PARD3: variants seen among roughly 807,000 people sequenced by gnomAD.
PARD3 encodes the protein par-3 family cell polarity regulator.
A neutral mutation model predicts 155.4 loss-of-function variants in PARD3; 75 were observed. The ratio of observed to expected loss-of-function variants is 0.48; its 90% CI spans 0.40 to 0.58. The LOEUF is 0.58. Ranked by LOEUF, PARD3 falls within the 20% of genes least tolerant of loss-of-function variation. PARD3 has a pLI of 0.00. For missense variants in PARD3, 1,642 were observed against 1,721.7 expected (o/e 0.95, Z 0.82); for synonymous variants, 576 against 610.5 (o/e 0.94, Z 0.83).
rs557093954 is a variant in PARD3, at chr10:34,366,102, C to CA, written c.1708-5844dup. On this transcript the variant is annotated intron_variant, in intron 12 of 24. Transcript: ENST00000374788. ...TACCACTTCTTTAATTCTGCTTCCT[C>CA]AAAAAAACACTGCATGGGGGAGGAG... Among the ~76,000 whole-genome samples the CA allele has an allele frequency of 4.6e-5, 7 of 151,940 alleles. No homozygotes were observed. The East Asian group carries it at 1.2e-3, about 25-fold the overall frequency.
chr10:34,279,150 T>TTTG (rs1299500377), intron 21 of PARD3, among the ~76,000 whole-genome samples: 1 of 145,238 alleles, frequency 6.9e-6, no homozygotes, highest in Non-Finnish European at 1.5e-5. Flanking sequence ...CCTTTTTTTT[T>TTTG]TTTTTTTTTT....
intron 2 of PARD3, among the ~76,000 whole-genome samples, chr10:34,648,084 G>A (rs961612199): frequency 3.9e-5 from 6 of 152,116 alleles, no homozygotes; most frequent in African/African-American, 9.7e-5. Context: ...ACTTCATCCC[G>A]GGATCGCCAT....
intron 22 of PARD3, among the ~76,000 whole-genome samples, chr10:34,205,423 A>G (rs1362895893): frequency 6.6e-6 from 1 of 152,176 alleles, no homozygotes; most frequent in Non-Finnish European, 1.5e-5. Context: ...CAAATTAATA[A>G]AGCATTCAAA....
intron 22 of PARD3, among the ~76,000 whole-genome samples, chr10:34,165,123 C>T (rs541915013): frequency 6.6e-6 from 1 of 152,020 alleles, no homozygotes; most frequent in East Asian, 1.9e-4. Context: ...CAACTAATTT[C>T]TCTTTATTTG....
intron 1 of PARD3, among the ~76,000 whole-genome samples, chr10:34,757,063 T>G (rs1836833703): frequency 1.3e-5 from 2 of 152,232 alleles, no homozygotes; most frequent in African/African-American, 4.8e-5. Context: ...CCTTGATTCC[T>G]CTGGTAGGTG....
chr10:34,594,237 C>T (rs913867225), intron 2 of PARD3, among the ~76,000 whole-genome samples: 1 of 152,076 alleles, frequency 6.6e-6, no homozygotes, highest in South Asian at 2.1e-4. Flanking sequence ...CTTGGAAGGA[C>T]CTAGTATGTG....
At chr10:34,343,189 T>A in intron 15 of PARD3, 1 of 337,630 alleles carries the variant, frequency 3.0e-6, no homozygotes, top group Non-Finnish European at 4.2e-6. Context: ...GTCACCCCAA[T>A]GGACAACTCA....
At chr10:34,725,229 T>C (rs1460698004) in intron 1 of PARD3, among the ~76,000 whole-genome samples, 7 of 150,394 alleles carry the variant, frequency 4.7e-5, no homozygotes, top group Non-Finnish European at 7.4e-5. Context: ...CTCAGCTCAC[T>C]GCATGCTCCA....
At chr10:34,685,821 T>A (rs1483965942) in intron 2 of PARD3, among the ~76,000 whole-genome samples, 1 of 152,196 alleles carries the variant, frequency 6.6e-6, no homozygotes, top group Non-Finnish European at 1.5e-5. Context: ...CTTGACCTCC[T>A]GACCTCAAAT....
At chr10:34,611,946 C>T (rs1309817594) in intron 2 of PARD3, among the ~76,000 whole-genome samples, 3 of 140,772 alleles carry the variant, frequency 2.1e-5, no homozygotes, top group South Asian at 2.5e-4. Flanking sequence ...CCTACCCCCC[C>T]GCCCCGAGTA....
chr10:34,257,004 G>C (rs191541006), intron 22 of PARD3, among the ~76,000 whole-genome samples: 4 of 152,080 alleles, frequency 2.6e-5, no homozygotes, highest in Non-Finnish European at 5.9e-5. Context: ...AAGAAAACAG[G>C]TATCTTTTAA....
chr10:34,324,031 A>G (rs2134179018), intron 19 of PARD3, among the ~76,000 whole-genome samples: 1 of 152,358 alleles, frequency 6.6e-6, no homozygotes, highest in South Asian at 2.1e-4. Context: ...TTTTATTTTA[A>G]TCAAGGAGTG....
At chr10:34,673,458 A>C (rs1782077947) in intron 2 of PARD3, among the ~76,000 whole-genome samples, 1 of 152,224 alleles carries the variant, frequency 6.6e-6, no homozygotes, top group South Asian at 2.1e-4. Flanking sequence ...ACCTCTCATT[A>C]CTTGTGGTTG....
chr10:34,264,084 T>C (rs1955169514), intron 22 of PARD3, among the ~76,000 whole-genome samples: 1 of 152,200 alleles, frequency 6.6e-6, no homozygotes, highest in South Asian at 2.1e-4. Context: ...TAACTTTAGA[T>C]AGTGCAAAGG....
chr10:34,153,994 C>T (rs940458308), intron 22 of PARD3, among the ~76,000 whole-genome samples: 1 of 152,174 alleles, frequency 6.6e-6, no homozygotes, highest in Non-Finnish European at 1.5e-5. Context: ...CCTTTCTTAC[C>T]ACTAGCGGCA....
At chr10:34,145,819 A>T (rs1220226326) in intron 22 of PARD3, among the ~76,000 whole-genome samples, 1 of 152,142 alleles carries the variant, frequency 6.6e-6, no homozygotes, top group Non-Finnish European at 1.5e-5. Flanking sequence ...AATGTTTCAC[A>T]TGTTTTTCTG....
chr10:34,516,300 G>C (rs1453226830), intron 3 of PARD3, among the ~76,000 whole-genome samples: 1 of 152,108 alleles, frequency 6.6e-6, no homozygotes, highest in South Asian at 2.1e-4. Context: ...TATTGAAATT[G>C]ATCTTCTCTT....
intron 7 of PARD3, among the ~76,000 whole-genome samples, chr10:34,392,040 G>A (rs4434944): frequency 0.023 from 3,426 of 152,030 alleles, 124 homozygotes; most frequent in African/African-American, 0.077. Context: ...GCCTGTGGTC[G>A]CAGCTACTAG....
intron 2 of PARD3, among the ~76,000 whole-genome samples, chr10:34,622,753 G>A (rs56819007): frequency 0.048 from 7,195 of 151,174 alleles, 529 homozygotes; most frequent in African/African-American, 0.16. Flanking sequence ...ATCTAAGGCC[G>A]AACAGTAATA....
Sources: allele counts gnomAD v4.1 joint callset (sites outside exome capture counted in the v4.1 genomes callset), GRCh38; gene constraint gnomAD v4.1.1; transcripts MANE v1.5; gene names NCBI Gene and HGNC (gene_info 2026-07-23, HGNC 2026-07-21).